The following PARVB variants were observed in gnomAD, a reference collection of about 807,000 sequenced individuals.
The protein encoded by PARVB is beta-parvin.
PARVB carries 46 observed loss-of-function variants against 47.0 expected under a neutral mutation model. That is an observed-to-expected ratio of 0.98 (90% confidence interval 0.77 to 1.25). The LOEUF (loss-of-function observed/expected upper bound fraction) is 1.25, where lower values mean the gene tolerates loss of function less well. Among genes scored for constraint, PARVB ranks in the 50% most tolerant of loss-of-function variants. The pLI is 0.00. For missense variants in PARVB, 473 were observed against 471.6 expected, an observed-to-expected ratio of 1.00 and a Z score of -0.03; for synonymous variants, 196 against 196.3, an observed-to-expected ratio of 1.00 and a Z score of 0.01.
Position 44,155,478 on chromosome 22 carries a change from G to A in PARVB, c.844-2504G>A, listed in dbSNP as rs919376447. Among the ~76,000 whole-genome samples, 2 of 152,162 alleles carry A rather than the reference G, an allele frequency of 1.3e-5. No individual in the cohort carries two copies. The highest frequency in any genetic ancestry group is 2.4e-5 in the African/African-American group (1 of 41,444). On this transcript the variant is annotated intron_variant, in intron 10 of 12. Coordinates refer to ENST00000338758, the MANE Select transcript of PARVB (RefSeq NM_013327.5). The surrounding 1 kb of genome is among the most constrained non-coding windows in gnomAD (Gnocchi z 4.8). ...GTCCCTCCCTCCTTCCTGTGAGCCC[G>A]TGTGCTGGGACAGTGAGGAGACACC... is the stretch of plus-strand genomic sequence containing the variant.
intron 3 of PARVB, chr22:44,104,465 G>A (rs1434276578): frequency 6.6e-6 from 1 of 152,598 alleles, no homozygotes; most frequent in Non-Finnish European, 1.5e-5. Context: ...GCAGCGTGTG[G>A]GTGGCAGCAG....
At position 44,049,500 on chromosome 22, in the gene PARVB, G is replaced by A. The variant is rs141569884; in HGVS notation, c.112+25049G>A. 9.5e-4 allele frequency among the ~76,000 whole-genome samples: 144 copies of A among 152,314 alleles called. 2 individuals carry two copies. Among genetic ancestry groups the A allele is most frequent in the African/African-American group, 3.4e-3 (140 of 41,566 alleles). On this transcript the variant is annotated intron_variant, in intron 1 of 12. Coordinates refer to ENST00000338758, the MANE Select transcript of PARVB (RefSeq NM_013327.5). The surrounding 1 kb of genome is among the most constrained non-coding windows in gnomAD (Gnocchi z 4.0). Reference sequence around the variant, plus strand: ...TTTTCACGGGCATAAAAATATCTGCGGAGTGAAAATGTGTGCAGAGGATGC... The same window carrying A: ...TTTTCACGGGCATAAAAATATCTGCAGAGTGAAAATGTGTGCAGAGGATGC...
rs374354056 is a variant in PARVB at position 44,040,727 on chromosome 22, G to A, written c.112+16276G>A. ...GAACCACAAGATAGAAATTTGTGTC[G>A]TATGGAGGCCGGGCGCGGTGGCTCA... On this transcript the variant is annotated intron_variant, in intron 1 of 12. Transcript: ENST00000338758. Among the ~76,000 whole-genome samples the A allele has an allele frequency of 1.4e-4, 22 of 152,272 alleles. 1 individual carries two copies. The highest frequency in any genetic ancestry group is 1.0e-3 in the South Asian group (5 of 4,826).
At chr22:44,110,798 C>T (rs1219090318) in intron 3 of PARVB, 2 of 152,080 alleles carry the variant, frequency 1.3e-5, no homozygotes, top group African/African-American at 4.8e-5. Flanking sequence ...CAGGGTTTCA[C>T]CATGTTGGCC....
chr22:44,034,252 GT>G (rs1242837824), intron 1 of PARVB, among the ~76,000 whole-genome samples: 26 of 119,344 alleles, frequency 2.2e-4, no homozygotes, highest in East Asian at 7.1e-4. Context: ...TTTGAGATGG[GT>G]GTCTTTATAC....
intron 4 of PARVB, 37 bp from the exon 5 acceptor site, chr22:44,131,450 T>C (rs1468434522): frequency 6.2e-7 from 1 of 1,607,146 alleles, no homozygotes; most frequent in Admixed American, 1.7e-5. Flanking sequence ...CCCTTCCAGC[T>C]TTTTCTGACC....
In PARVB at chr22:44,046,225, C is replaced by T. The variant is rs113927295; in HGVS notation, c.112+21774C>T. Among the ~76,000 whole-genome samples the T allele has an allele frequency of 1.6e-3, 238 of 152,338 alleles. 1 individual carries two copies. Among genetic ancestry groups the T allele is most frequent in the African/African-American group, 5.4e-3 (225 of 41,570 alleles). On this transcript the variant is annotated intron_variant, in intron 1 of 12. Transcript: ENST00000338758. The stretch of plus-strand genomic sequence containing the variant: ...CAGTGGTCGCTGAGCCCAGCTGCAG[C>T]CTTGTCTTGCACTGCAGGGTGTCTG...
At chr22:44,082,758 T>C (rs2051935322) in intron 1 of PARVB, among the ~76,000 whole-genome samples, 2 of 152,202 alleles carry the variant, frequency 1.3e-5, no homozygotes, top group South Asian at 4.1e-4. Flanking sequence ...GATTCATTTT[T>C]CTGTGGTTCT....
At chr22:44,114,698 C>G (rs1601624161) in intron 3 of PARVB, 1 of 104,512 alleles carries the variant, frequency 9.6e-6, no homozygotes, top group African/African-American at 4.5e-5. Context: ...AGGCCCTGCA[C>G]CAACACAGAT....
Position 44,170,404 on chromosome 22 carries a change from C to T in PARVB, c.*1726C>T, listed in dbSNP as rs756539672. 1 of 152,134 alleles carries T rather than the reference C, an allele frequency of 6.6e-6. No homozygotes were observed. The highest frequency in any genetic ancestry group is 1.5e-5 in the Non-Finnish European group (1 of 68,010). The allele number at this position is 152,134 out of a possible 1,614,324, so 9.4% of individuals were successfully genotyped here. A position where few individuals can be genotyped will look rare whatever the true frequency, so the allele number is the denominator to read the frequency against. On this transcript the variant is annotated 3_prime_UTR_variant, in exon 13 of 13. Transcript: ENST00000338758. ...TCCATAAAGACCCTGTCTCCAAATA[C>T]CATCACATCAGAGGTGCTGGGGTTA... is the stretch of plus-strand genomic sequence containing the variant.
intron 3 of PARVB, among the ~76,000 whole-genome samples, 150 bp from the exon 4 acceptor site, chr22:44,118,867 GCAGAGCTGTGCAGCCTGGCCC>G (rs533210369): frequency 2.0e-5 from 3 of 152,164 alleles, no homozygotes; most frequent in Non-Finnish European, 2.9e-5. Context: ...TGTGGTGGCT[GCAGAGCTGTGCAGCCTGGCCC>G]CAGAGCTGTG....
rs116194824 is a variant in PARVB, at chr22:44,000,464, G to C, written c.211+791G>C. Among the ~76,000 whole-genome samples, 805 of 152,312 alleles carry C rather than the reference G, an allele frequency of 5.3e-3. 10 individuals are homozygous for C. Among genetic ancestry groups the C allele is most frequent in the African/African-American group, 0.018 (759 of 41,580 alleles). On this transcript the variant is annotated intron_variant, in intron 2 of 13. Coordinates refer to the PARVB transcript ENST00000406477. ...AGGTGGAGGAGAGTGGCCAACCTGA[G>C]TAAATAACTTTTAGAAATACAGATG...
chr22:44,053,026 A>G (rs759760997), intron 1 of PARVB, among the ~76,000 whole-genome samples: 19 of 151,792 alleles, frequency 1.3e-4, no homozygotes, highest in South Asian at 2.1e-4. Flanking sequence ...TTGCCAATCT[A>G]TGGTTTAAAC....
At chr22:44,090,323 G>T (rs563808590) in intron 1 of PARVB, among the ~76,000 whole-genome samples, 1 of 152,334 alleles carries the variant, frequency 6.6e-6, no homozygotes, top group South Asian at 2.1e-4. Context: ...GGTCCCCGAA[G>T]CCTTTGCTTC....
chr22:44,159,854 C>T (rs1373981021), intron 11 of PARVB, among the ~76,000 whole-genome samples: 1 of 152,172 alleles, frequency 6.6e-6, no homozygotes, highest in Non-Finnish European at 1.5e-5. Flanking sequence ...GCTAATGTCT[C>T]CTGTGGGCTG....
At chr22:44,142,615 C>G (rs952794576) in intron 8 of PARVB, 1 of 152,128 alleles carries the variant, frequency 6.6e-6, no homozygotes, top group Non-Finnish European at 1.5e-5. Context: ...GCCCCTGCCA[C>G]CCCATGAATG....
Position 44,132,983 on chromosome 22 carries a change from G to A in PARVB, c.607G>A (p.Val203Ile). Residue 203 changes from valine to isoleucine, a missense_variant, in exon 6 of 13, where the codon GTA becomes ATA. Coordinates refer to ENST00000338758, the MANE Select transcript of PARVB (RefSeq NM_013327.5). ...FRAPIRLPEHVTVQVVVVRKR... is the reference protein window; with the variant it reads ...FRAPIRLPEHITVQVVVVRKR... Reference sequence around the variant, plus strand: ...GGCCCCCATCCGCCTTCCTGAGCATGTAACGGTGCAGGTGGTGGTCGTGCG... The same window carrying A: ...GGCCCCCATCCGCCTTCCTGAGCATATAACGGTGCAGGTGGTGGTCGTGCG... 6.2e-7 allele frequency: 1 copy of A among 1,614,018 alleles called. No individual in the cohort carries two copies. The highest frequency in any genetic ancestry group is 8.5e-7 in the Non-Finnish European group (1 of 1,179,950).
Position 43,999,848 on chromosome 22 carries a change from A to C in PARVB, c.211+175A>C, listed in dbSNP as rs12167827. Among the ~76,000 whole-genome samples, 184 of 122,248 alleles carry C rather than the reference A, an allele frequency of 1.5e-3. 1 individual carries two copies. Among genetic ancestry groups the C allele is most frequent in the African/African-American group, 5.1e-3 (157 of 30,976 alleles). The allele number at this position is 122,248 out of a possible 152,430, so 80.2% of individuals were successfully genotyped here. On this transcript the variant is annotated intron_variant, in intron 2 of 13. Coordinates refer to the PARVB transcript ENST00000406477. Reference sequence around the variant, plus strand: ...CCCATCTATATGAAAAAAAAAAAAAAAAAAAAAAAACAGCTGGGTGTGGTG... The same window carrying C: ...CCCATCTATATGAAAAAAAAAAAAACAAAAAAAAAACAGCTGGGTGTGGTG...
Position 44,002,924 on chromosome 22 carries a change from A to G in PARVB, c.211+3251A>G, listed in dbSNP as rs201579484. On this transcript the variant is annotated intron_variant, in intron 2 of 13. Transcript: ENST00000406477. Reference sequence around the variant, plus strand: ...AATTACTGGATTCCTTTGCCAAATCATTAGATAACTTTTAAGAGCAACAAA... The same window carrying G: ...AATTACTGGATTCCTTTGCCAAATCGTTAGATAACTTTTAAGAGCAACAAA... Among the ~76,000 whole-genome samples, 19 of 152,320 alleles carry G rather than the reference A, an allele frequency of 1.2e-4. No individual in the cohort carries two copies. In the East Asian group the frequency reaches 1.5e-3, roughly 12 times the overall value.
Sources: allele counts gnomAD v4.1 joint callset (sites outside exome capture counted in the v4.1 genomes callset), GRCh38; gene constraint gnomAD v4.1.1; non-coding constraint Gnocchi (gnomAD v3.1); transcripts MANE v1.5; gene names NCBI Gene and HGNC (gene_info 2026-07-23, HGNC 2026-07-21).